The following SLC22A4 variants were observed in gnomAD, a reference collection of about 807,000 sequenced individuals.
The protein encoded by SLC22A4 is ET transporter.
A neutral mutation model predicts 56.6 loss-of-function variants in SLC22A4; 39 were observed. The observed-to-expected ratio is 0.69, with a 90% CI of 0.53 to 0.90. The LOEUF (loss-of-function observed/expected upper bound fraction) is 0.90. SLC22A4 is among the 40% of genes least tolerant of loss of function. The pLI is 0.00. For synonymous variants in SLC22A4, 241 were observed against 281.4 expected (o/e 0.86, Z 1.44); for missense variants, 594 against 696.5 (o/e 0.85, Z 1.66).
intron 6 of SLC22A4, among the ~76,000 whole-genome samples, chr5:132,332,902 T>C (rs908282290): frequency 6.6e-6 from 1 of 152,202 alleles, no homozygotes; most frequent in African/African-American, 2.4e-5. Flanking sequence ...CCTAGGTACA[T>C]GGGCTTCTTA....
At chr5:132,326,837 C>A (rs1750704864) in intron 4 of SLC22A4, among the ~76,000 whole-genome samples, 2 of 152,238 alleles carry the variant, frequency 1.3e-5, no homozygotes, top group Non-Finnish European at 2.9e-5. Context: ...CCTGGCCATC[C>A]TTTTCCCAAT....
chr5:132,329,126 G>C (rs1750782533), intron 5 of SLC22A4, among the ~76,000 whole-genome samples: 1 of 151,562 alleles, frequency 6.6e-6, no homozygotes, highest in Non-Finnish European at 1.5e-5. Flanking sequence ...TTTTTGTAGA[G>C]ACAGGGTTTC....
At chr5:132,298,404 A>C (rs1436744621) in intron 1 of SLC22A4, among the ~76,000 whole-genome samples, 1 of 152,254 alleles carries the variant, frequency 6.6e-6, no homozygotes, top group East Asian at 1.9e-4. Flanking sequence ...ATTTCACTAC[A>C]GGAGTAGTCA....
At chr5:132,335,719 A>G in intron 7 of SLC22A4, 99 bp from the exon 8 acceptor site, 2 of 980,472 alleles carry the variant, frequency 2.0e-6, no homozygotes, top group South Asian at 2.6e-5. Context: ...TATGTTAATA[A>G]AAGTACTCCC....
intron 5 of SLC22A4, 124 bp downstream of exon 5, chr5:132,327,527 C>A: frequency 2.7e-6 from 2 of 744,906 alleles, no homozygotes; most frequent in Admixed American, 2.1e-5. Flanking sequence ...GCCTTAGGAA[C>A]ACAATCATGA....
intron 5 of SLC22A4, 42 bp from the exon 6 acceptor site, chr5:132,331,714 T>C (rs751609124): frequency 7.4e-7 from 1 of 1,356,640 alleles, no homozygotes; most frequent in South Asian, 1.2e-5. Context: ...ACTTCCTTAC[T>C]ACCTCTTAAT....
In SLC22A4 at chr5:132,334,910, C is replaced by T. The variant is rs779525039; in HGVS notation, c.1239C>T (p.Leu413=). Residue 413 remains leucine (L), a synonymous_variant, in exon 7 of 10, where the codon CTC becomes CTT. Coordinates refer to ENST00000200652, the MANE Select transcript of SLC22A4 (RefSeq NM_003059.3). ...TGTTCTGGGGAGGAGGTGTGCTTCTCTTCATTCAACTGGTACCTGTGGGTA... is the reference window on the plus strand; with the variant it reads ...TGTTCTGGGGAGGAGGTGTGCTTCTTTTCATTCAACTGGTACCTGTGGGTA... The part of the protein sequence containing the change: ...AVLFWGGGVL[L]FIQLVPVDYY... The T allele has an allele frequency of 6.1e-5, 98 of 1,612,450 alleles. No homozygotes were observed. Among genetic ancestry groups the T allele is most frequent in the Non-Finnish European group, 8.1e-5 (96 of 1,179,020 alleles).
At chr5:132,331,735 T>C in intron 5 of SLC22A4, 21 bp from the exon 6 acceptor site, 1 of 1,540,544 alleles carries the variant, frequency 6.5e-7, no homozygotes, top group Non-Finnish European at 9.0e-7. Context: ...CTCATGGTTA[T>C]TTGCATTATT....
chr5:132,333,588 G>T (rs1461359259), intron 6 of SLC22A4, among the ~76,000 whole-genome samples: 1 of 152,132 alleles, frequency 6.6e-6, no homozygotes, highest in East Asian at 1.9e-4. Flanking sequence ...GTTCCACTCT[G>T]GAGCTTCTAA....
intron 8 of SLC22A4, among the ~76,000 whole-genome samples, chr5:132,340,284 T>C (rs1327516952): frequency 6.6e-6 from 1 of 152,010 alleles, no homozygotes; most frequent in Middle Eastern, 3.2e-3. Context: ...GGCAAAGAAC[T>C]CTACCAAAGG....
chr5:132,306,866 T>C (rs1750053672), intron 1 of SLC22A4, among the ~76,000 whole-genome samples: 1 of 152,128 alleles, frequency 6.6e-6, no homozygotes, highest in Non-Finnish European at 1.5e-5. Context: ...CACTATATAT[T>C]GTATGATTCC....
At chr5:132,332,193 A>C in intron 6 of SLC22A4, 1 of 317,470 alleles carries the variant, frequency 3.1e-6, no homozygotes, top group South Asian at 2.8e-5. Flanking sequence ...ACATACCTGT[A>C]ATCCCAGCTA....
Position 132,294,706 on chromosome 5 carries a change from C to T in SLC22A4, c.90C>T (p.Ile30=), listed in dbSNP as rs777050701. ...TCTTCCTGCTCAGCGCCAGCATCAT[C>T]CCCAATGGCTTCAATGGTATGTCAG... ...LIFFLLSASI[I]PNGFNGMSVV... The change falls in exon 1 of 10, where the codon ATC becomes ATT. Residue 30 remains isoleucine, a synonymous_variant. Transcript: ENST00000200652. The surrounding 1 kb of genome is among the most constrained non-coding windows in gnomAD (Gnocchi z 5.6). 6.2e-6 allele frequency: 10 copies of T among 1,614,056 alleles called. No individual in the cohort carries two copies. In the South Asian group the frequency reaches 1.1e-4, roughly 18 times the overall value.
At chr5:132,341,215 C>T (rs529601724) in intron 9 of SLC22A4, among the ~76,000 whole-genome samples, 239 of 151,834 alleles carry the variant, frequency 1.6e-3, no homozygotes, top group African/African-American at 5.5e-3. Context: ...GTCAAGAGAT[C>T]GAGACCATCC....
chr5:132,312,015 G>C (rs567702929), intron 1 of SLC22A4, 146 bp from the exon 2 acceptor site: 2 of 749,026 alleles, frequency 2.7e-6, no homozygotes, highest in Admixed American at 3.5e-5. Flanking sequence ...AGGGCTGCAA[G>C]GCCTATGCCC....
At chr5:132,313,383 T>C (rs527565365) in intron 2 of SLC22A4, among the ~76,000 whole-genome samples, 2 of 152,350 alleles carry the variant, frequency 1.3e-5, no homozygotes, top group African/African-American at 2.4e-5. Flanking sequence ...CACTGCTCCA[T>C]GCTTTTGAGA....
chr5:132,337,321 G>A (rs1314294076), intron 8 of SLC22A4, among the ~76,000 whole-genome samples: 2 of 137,924 alleles, frequency 1.5e-5, no homozygotes. Context: ...CTGGAGTGTA[G>A]TGGTGCGATC....
rs958098715 is a variant in SLC22A4, at chr5:132,328,850, C to T, written c.951+1447C>T. On this transcript the variant is annotated intron_variant, in intron 5 of 9. Coordinates refer to ENST00000200652, the MANE Select transcript of SLC22A4 (RefSeq NM_003059.3). The stretch of plus-strand genomic sequence containing the variant: ...ATATATATATATATACACACACACA[C>T]ACACACACACACACACACGCATATA... Among the ~76,000 whole-genome samples, 950 of 150,924 alleles carry T rather than the reference C, an allele frequency of 6.3e-3. 13 individuals carry two copies. The highest frequency in any genetic ancestry group is 0.022 in the African/African-American group (919 of 41,096).
At chr5:132,313,326 A>G (rs1750237789) in intron 2 of SLC22A4, among the ~76,000 whole-genome samples, 1 of 152,230 alleles carries the variant, frequency 6.6e-6, no homozygotes, top group Admixed American at 6.5e-5. Flanking sequence ...GGTAGCATCT[A>G]TCTGTGGCTC....
Sources: gnomAD v4.1 joint callset for allele counts (sites outside exome capture counted in the v4.1 genomes callset) on GRCh38, gnomAD v4.1.1 for gene constraint, Gnocchi (gnomAD v3.1) non-coding constraint, MANE v1.5 for transcripts, NCBI Gene and HGNC (gene_info 2026-07-23, HGNC 2026-07-21) for gene names.